The following PARD3B variants were observed in gnomAD, a reference collection of about 807,000 sequenced individuals.
The protein encoded by PARD3B is par-3 family cell polarity regulator beta.
Under a neutral mutation model 130.2 loss-of-function variants are expected in PARD3B, and 103 were observed. The observed-to-expected ratio is 0.79, with a 90% CI of 0.67 to 0.93. The LOEUF is 0.93. PARD3B is among the 40% of genes least tolerant of loss of function. The probability of loss-of-function intolerance (pLI) is 0.00; values close to 1 mark genes in which losing one functional copy is unlikely to be tolerated. For synonymous variants in PARD3B, 583 were observed against 553.2 expected, an observed-to-expected ratio of 1.05 and a Z score of -0.76; for missense variants, 1,609 against 1,499.2, an observed-to-expected ratio of 1.07 and a Z score of -1.21.
intron 2 of PARD3B, among the ~76,000 whole-genome samples, chr2:204,739,819 A>G (rs2125359862): frequency 6.6e-6 from 1 of 152,040 alleles, no homozygotes; most frequent in Non-Finnish European, 1.5e-5. Context: ...TCGGAAAAAA[A>G]TTTTTGGTTT....
intron 2 of PARD3B, among the ~76,000 whole-genome samples, chr2:204,910,764 C>T (rs1012488082): frequency 1.3e-5 from 2 of 152,158 alleles, no homozygotes; most frequent in African/African-American, 2.4e-5. Flanking sequence ...GCCTCAGCCT[C>T]ATGAGTAGCT....
At chr2:205,431,538 C>G (rs570581595) in intron 19 of PARD3B, among the ~76,000 whole-genome samples, 2 of 151,658 alleles carry the variant, frequency 1.3e-5, no homozygotes, top group Non-Finnish European at 2.9e-5. Flanking sequence ...GGCGCTATCT[C>G]TGCTCACCGC....
intron 20 of PARD3B, among the ~76,000 whole-genome samples, chr2:205,497,427 A>ATTTTTT (rs3077795): frequency 1.6e-5 from 2 of 123,706 alleles, no homozygotes; most frequent in Non-Finnish European, 3.3e-5. Flanking sequence ...TTTACTCACC[A>ATTTTTT]TTTTTTTTTT....
At chr2:205,424,069 C>T (rs2047063932) in intron 19 of PARD3B, among the ~76,000 whole-genome samples, 1 of 152,068 alleles carries the variant, frequency 6.6e-6, no homozygotes, top group Non-Finnish European at 1.5e-5. Flanking sequence ...GCACTTGTAC[C>T]CCTGAACTTA....
At chr2:205,374,220 C>CA (rs2044941832) in intron 18 of PARD3B, among the ~76,000 whole-genome samples, 1 of 149,698 alleles carries the variant, frequency 6.7e-6, no homozygotes, top group African/African-American at 2.5e-5. Flanking sequence ...TAATCCCATA[C>CA]AAAACAACCA....
At chr2:204,781,746 C>T (rs953743516) in intron 2 of PARD3B, among the ~76,000 whole-genome samples, 3 of 152,006 alleles carry the variant, frequency 2.0e-5, no homozygotes, top group Non-Finnish European at 2.9e-5. Flanking sequence ...GTAACCAAGT[C>T]CAGTAGGTAT....
At chr2:204,857,638 A>C (rs2045005807) in intron 2 of PARD3B, among the ~76,000 whole-genome samples, 1 of 152,144 alleles carries the variant, frequency 6.6e-6, no homozygotes. Context: ...GATCTAATGG[A>C]ATTGAACTGG....
Position 204,988,396 on chromosome 2 carries a change from A to G in PARD3B, c.394+23073A>G, listed in dbSNP as rs373480715. Among the ~76,000 whole-genome samples, 16 of 152,324 alleles carry G rather than the reference A, an allele frequency of 1.1e-4. No homozygotes were observed. In the East Asian group the frequency reaches 1.9e-3, roughly 18 times the overall value. ...GTGGGGATGGTTAATGGTATAAAAA[A>G]TAGAATGAATAAGACATAGAATGAC... is the stretch of plus-strand genomic sequence containing the variant. On this transcript the variant is annotated intron_variant, in intron 3 of 22. Coordinates refer to ENST00000406610, the MANE Select transcript of PARD3B (RefSeq NM_001302769.2).
intron 10 of PARD3B, among the ~76,000 whole-genome samples, chr2:205,133,646 C>T (rs1335627722): frequency 6.6e-6 from 1 of 152,148 alleles, no homozygotes; most frequent in Non-Finnish European, 1.5e-5. Flanking sequence ...ATGTCTTGTT[C>T]TGGGAAAAAT....
intron 3 of PARD3B, among the ~76,000 whole-genome samples, chr2:205,008,829 T>C (rs963476436): frequency 2.0e-5 from 3 of 152,204 alleles, no homozygotes; most frequent in Non-Finnish European, 4.4e-5. Flanking sequence ...ACAATCTGTG[T>C]GTCAAAGAGG....
At chr2:205,561,833 C>T (rs1366623906) in intron 22 of PARD3B, among the ~76,000 whole-genome samples, 1 of 152,188 alleles carries the variant, frequency 6.6e-6, no homozygotes, top group East Asian at 1.9e-4. Context: ...ACGGGGTTTA[C>T]TGCCTTTTGA....
intron 2 of PARD3B, among the ~76,000 whole-genome samples, chr2:204,877,841 GC>G (rs1483453661): frequency 1.3e-5 from 2 of 152,186 alleles, no homozygotes; most frequent in Non-Finnish European, 2.9e-5. Flanking sequence ...CCAGTTAGGA[GC>G]CCTACATTGT....
intron 1 of PARD3B, among the ~76,000 whole-genome samples, chr2:204,632,453 G>A (rs1162325727): frequency 7.2e-5 from 11 of 152,124 alleles, no homozygotes; most frequent in Non-Finnish European, 1.5e-5. Context: ...GATCTTTGAG[G>A]TTGCTGACCT....
intron 10 of PARD3B, among the ~76,000 whole-genome samples, chr2:205,156,808 A>G (rs1345468888): frequency 6.6e-6 from 1 of 152,194 alleles, no homozygotes; most frequent in Non-Finnish European, 1.5e-5. Context: ...TGAATCTCAG[A>G]TGTCAGAGAC....
chr2:205,553,458 A>C, intron 22 of PARD3B, 55 bp downstream of exon 22: 1 of 1,534,976 alleles, frequency 6.5e-7, no homozygotes, highest in South Asian at 1.1e-5. Context: ...AAGTCTTTAG[A>C]GAAGTCTACA....
intron 21 of PARD3B, among the ~76,000 whole-genome samples, chr2:205,532,264 T>TAAAAATATACTTGATATTG (rs561662491): frequency 3.1e-4 from 47 of 152,332 alleles, no homozygotes; most frequent in African/African-American, 1.1e-3. Flanking sequence ...TTAGAGGCTT[T>TAAAAATATACTTGATATTG]AAAAATATAC....
chr2:204,944,641 A>G (rs148494098), intron 2 of PARD3B, among the ~76,000 whole-genome samples: 2 of 152,360 alleles, frequency 1.3e-5, no homozygotes, highest in East Asian at 1.9e-4. Context: ...ATTTAATCCA[A>G]TGTTGATATT....
intron 1 of PARD3B, among the ~76,000 whole-genome samples, chr2:204,651,404 T>C (rs2035473633): frequency 6.6e-6 from 1 of 152,238 alleles, no homozygotes; most frequent in African/African-American, 2.4e-5. Context: ...GCACTCATTA[T>C]ATCTTAAAGC....
intron 2 of PARD3B, among the ~76,000 whole-genome samples, chr2:204,812,648 G>GT (rs1167080849): frequency 6.6e-6 from 1 of 152,228 alleles, no homozygotes; most frequent in South Asian, 2.1e-4. Flanking sequence ...TCATTTGAGT[G>GT]TTTTTGCCTT....
Sources: allele counts gnomAD v4.1 joint callset (sites outside exome capture counted in the v4.1 genomes callset), GRCh38; gene constraint gnomAD v4.1.1; transcripts MANE v1.5; gene names NCBI Gene and HGNC (gene_info 2026-07-23, HGNC 2026-07-21).